Variants in MACROD2 observed in about 807,000 individuals in gnomAD.
MACROD2 encodes ADP-ribose glycohydrolase MACROD2.
Under a neutral mutation model 70.4 loss-of-function variants are expected in MACROD2, and 36 were observed. The ratio of observed to expected loss-of-function variants is 0.51; its 90% CI spans 0.39 to 0.68. The LOEUF (loss-of-function observed/expected upper bound fraction) is 0.68, where lower values mean the gene tolerates loss of function less well. Among genes scored for constraint, MACROD2 ranks in the 30% least tolerant of loss-of-function variants. MACROD2 has a pLI of 0.00. For synonymous variants in MACROD2, 172 were observed against 178.8 expected (o/e 0.96, Z 0.30); for missense variants, 496 against 538.4 (o/e 0.92, Z 0.78).
At chr20:14,493,758 A>AT in intron 4 of MACROD2, 1 of 343,848 alleles carries the variant, frequency 2.9e-6, no homozygotes, top group South Asian at 3.7e-5. Flanking sequence ...CATAAGGTGT[A>AT]ACAGCTATAA....
chr20:16,038,115 A>G (rs920082186), intron 15 of MACROD2, among the ~76,000 whole-genome samples: 7 of 151,354 alleles, frequency 4.6e-5, no homozygotes, highest in African/African-American at 1.7e-4. Context: ...TTATGAATTT[A>G]TCTATAAGTT....
chr20:14,319,829 A>G (rs2082643031), intron 3 of MACROD2, among the ~76,000 whole-genome samples: 1 of 151,600 alleles, frequency 6.6e-6, no homozygotes, highest in African/African-American at 2.4e-5. Flanking sequence ...TTCCCCTGCT[A>G]CAAAGGGTAA....
chr20:14,347,617 T>A (rs570268677), intron 3 of MACROD2, among the ~76,000 whole-genome samples: 1 of 152,280 alleles, frequency 6.6e-6, no homozygotes, highest in East Asian at 1.9e-4. Context: ...GAGATGAGGC[T>A]TTCCAAAAGC....
chr20:14,119,497 A>G (rs1404506898), intron 3 of MACROD2, among the ~76,000 whole-genome samples: 1 of 152,062 alleles, frequency 6.6e-6, no homozygotes, highest in Admixed American at 6.6e-5. Context: ...ACCCATCCAC[A>G]TTATTGGTCA....
At chr20:15,807,215 G>A (rs567114364) in intron 8 of MACROD2, among the ~76,000 whole-genome samples, 3 of 152,280 alleles carry the variant, frequency 2.0e-5, no homozygotes, top group South Asian at 4.1e-4. Flanking sequence ...CTCCAACTAC[G>A]ACATAGGTCC....
intron 6 of MACROD2, among the ~76,000 whole-genome samples, chr20:15,316,386 C>T (rs1226206507): frequency 6.6e-6 from 1 of 151,862 alleles, no homozygotes; most frequent in Non-Finnish European, 1.5e-5. Context: ...CAAAAGAAAG[C>T]CAGGGTGGCT....
intron 4 of MACROD2, among the ~76,000 whole-genome samples, chr20:14,546,238 AC>A (rs1215022837): frequency 6.6e-6 from 1 of 152,116 alleles, no homozygotes; most frequent in Non-Finnish European, 1.5e-5. Context: ...AATTGCTAGA[AC>A]TTTTTTTTTG....
At chr20:15,636,076 G>GAAAAA (rs57402806) in intron 8 of MACROD2, among the ~76,000 whole-genome samples, 5 of 85,812 alleles carry the variant, frequency 5.8e-5, no homozygotes, top group Non-Finnish European at 6.7e-5. Context: ...CCTCTCAAAA[G>GAAAAA]AAAAAAAAAA....
intron 3 of MACROD2, among the ~76,000 whole-genome samples, chr20:14,248,232 A>C (rs1344129573): frequency 6.6e-6 from 1 of 152,190 alleles, no homozygotes; most frequent in African/African-American, 2.4e-5. Context: ...AGATAGTGAC[A>C]CCTTTGCTTT....
At chr20:15,481,822 A>G (rs2047102150) in intron 7 of MACROD2, among the ~76,000 whole-genome samples, 1 of 152,216 alleles carries the variant, frequency 6.6e-6, no homozygotes, top group Non-Finnish European at 1.5e-5. Context: ...AAATTCTAAG[A>G]CAGGGCTGGC....
intron 8 of MACROD2, among the ~76,000 whole-genome samples, chr20:15,736,883 G>A (rs1161046366): frequency 6.6e-6 from 1 of 152,160 alleles, no homozygotes; most frequent in African/African-American, 2.4e-5. Flanking sequence ...AGGGACAATT[G>A]TATTGTAATA....
intron 8 of MACROD2, among the ~76,000 whole-genome samples, chr20:15,667,326 C>T (rs1468136012): frequency 6.6e-6 from 1 of 152,162 alleles, no homozygotes; most frequent in Admixed American, 6.5e-5. Context: ...TCCCTGAGGC[C>T]TCCCCAGAGG....
intron 5 of MACROD2, among the ~76,000 whole-genome samples, chr20:15,139,089 G>T (rs545532474): frequency 6.6e-6 from 1 of 152,262 alleles, no homozygotes; most frequent in East Asian, 1.9e-4. Flanking sequence ...GCCATTTGGG[G>T]ATCTGACAGA....
At chr20:14,811,069 A>G (rs773500476) in intron 5 of MACROD2, among the ~76,000 whole-genome samples, 2 of 152,104 alleles carry the variant, frequency 1.3e-5, no homozygotes, top group Non-Finnish European at 2.9e-5. Context: ...GGCTTTCTTC[A>G]CAGAATTAGA....
At chr20:14,883,410 T>A (rs964304439) in intron 5 of MACROD2, among the ~76,000 whole-genome samples, 1 of 152,150 alleles carries the variant, frequency 6.6e-6, no homozygotes, top group Non-Finnish European at 1.5e-5. Flanking sequence ...AGCCTTTAGC[T>A]GAAGTCTACC....
chr20:15,893,638 C>G (rs1334222748), intron 10 of MACROD2: 2 of 450,936 alleles, frequency 4.4e-6, no homozygotes, highest in African/African-American at 2.0e-5. Flanking sequence ...AACCTCAAAC[C>G]TAAGAGTAGT....
intron 8 of MACROD2, among the ~76,000 whole-genome samples, chr20:15,768,184 G>A (rs890227013): frequency 2.0e-5 from 3 of 151,876 alleles, no homozygotes; most frequent in Admixed American, 6.6e-5. Flanking sequence ...TAACAATGGG[G>A]AAATGTTCTG....
At chr20:15,412,586 G>C (rs1216094319) in intron 6 of MACROD2, among the ~76,000 whole-genome samples, 1 of 152,188 alleles carries the variant, frequency 6.6e-6, no homozygotes, top group African/African-American at 2.4e-5. Flanking sequence ...TCCAGACTTT[G>C]TTTTCTACGT....
intron 2 of MACROD2, among the ~76,000 whole-genome samples, chr20:14,059,865 G>A (rs565924273): frequency 4.6e-5 from 7 of 152,264 alleles, no homozygotes; most frequent in African/African-American, 1.4e-4. Flanking sequence ...ACTTTAGGTA[G>A]GATAATGAGG....
Sources: gnomAD v4.1 joint callset for allele counts (sites outside exome capture counted in the v4.1 genomes callset) on GRCh38, gnomAD v4.1.1 for gene constraint, MANE v1.5 for transcripts, NCBI Gene and HGNC (gene_info 2026-07-23, HGNC 2026-07-21) for gene names.